Variants in GLIS3 observed in about 807,000 individuals in gnomAD.
The protein encoded by GLIS3 is zinc finger protein GLIS3.
Under a neutral mutation model 78.6 loss-of-function variants are expected in GLIS3, and 53 were observed. The observed-to-expected ratio is 0.67, with a 90% CI of 0.54 to 0.85. GLIS3 has a LOEUF of 0.85. Ranked by LOEUF, GLIS3 falls within the 40% of genes least tolerant of loss-of-function variation. The pLI is 0.00. For missense variants in GLIS3, 1,703 were observed against 1,231.1 expected (o/e 1.38, Z -5.74); for synonymous variants, 684 against 509.9 (o/e 1.34, Z -4.60).
chr9:3,981,193 A>G (rs532136494), intron 4 of GLIS3, among the ~76,000 whole-genome samples: 2 of 152,320 alleles, frequency 1.3e-5, no homozygotes, highest in South Asian at 4.1e-4. Context: ...CTACTGGGAC[A>G]TTTTTAAAAT....
chr9:4,467,500 G>A, the GLIS3 span, among the ~76,000 whole-genome samples: 2 of 152,200 alleles, frequency 1.3e-5, no homozygotes, highest in Non-Finnish European at 2.9e-5. Context: ...AGCCTCCGCT[G>A]GTGATACCCA....
chr9:4,185,743 C>T (rs1200519204), intron 2 of GLIS3, among the ~76,000 whole-genome samples: 1 of 152,180 alleles, frequency 6.6e-6, no homozygotes, highest in Non-Finnish European at 1.5e-5. Flanking sequence ...ATGTTCAGCA[C>T]AAGGCATCAG....
At chr9:3,898,969 A>G (rs1823081617) in intron 6 of GLIS3, 134 bp from the exon 7 acceptor site, 2 of 1,013,838 alleles carry the variant, frequency 2.0e-6, no homozygotes, top group East Asian at 2.6e-5. Flanking sequence ...GGTAAGGCAC[A>G]GAGCTTAACA....
intron 2 of GLIS3, among the ~76,000 whole-genome samples, chr9:4,196,175 T>C (rs1818825790): frequency 6.6e-6 from 1 of 152,062 alleles, no homozygotes; most frequent in Non-Finnish European, 1.5e-5. Context: ...CTAGGAGAAC[T>C]TTCATGTCTA....
chr9:4,221,143 G>C (rs1240588233), intron 2 of GLIS3, among the ~76,000 whole-genome samples: 1 of 152,120 alleles, frequency 6.6e-6, no homozygotes, highest in Non-Finnish European at 1.5e-5. Flanking sequence ...ACTCACTCTT[G>C]AATGATTCAG....
the GLIS3 span, among the ~76,000 whole-genome samples, chr9:4,372,177 A>G: frequency 6.6e-6 from 1 of 152,288 alleles, no homozygotes; most frequent in Middle Eastern, 3.4e-3. Context: ...CAGATGAAGA[A>G]AGAGAGAGTG....
rs10114930 is a variant in GLIS3 at position 3,828,676 on chromosome 9, C to A, written c.2657-268G>T. On this transcript the variant is annotated intron_variant, in intron 10 of 10. Coordinates refer to ENST00000381971, the MANE Select transcript of GLIS3 (RefSeq NM_001042413.2). ...TGTTCTAGGGAAGGCTGGGGGTGGC[C>A]TCAAAAAGGAGCTGGTGTTAAGGTT... 3.5e-3 allele frequency among the ~76,000 whole-genome samples: 531 copies of A among 152,156 alleles called. 3 individuals carry two copies. The highest frequency in any genetic ancestry group is 0.012 in the African/African-American group (514 of 41,506).
intron 2 of GLIS3, among the ~76,000 whole-genome samples, chr9:4,253,699 G>A (rs550191407): frequency 7.9e-5 from 12 of 152,282 alleles, no homozygotes; most frequent in South Asian, 2.1e-4. Context: ...CCAAACGGCC[G>A]CCCAGTTTTG....
chr9:4,387,372 G>T, the GLIS3 span, among the ~76,000 whole-genome samples: 1 of 151,974 alleles, frequency 6.6e-6, no homozygotes, highest in Non-Finnish European at 1.5e-5. Flanking sequence ...CGGCCTTAGT[G>T]CCACTCTCAG....
In GLIS3 at chr9:4,117,843, G is replaced by A. The variant is rs1831791587; in HGVS notation, c.1635C>T (p.Tyr545=). The A allele has an allele frequency of 1.2e-6, 2 of 1,614,016 alleles. No individual in the cohort carries two copies. The highest frequency in any genetic ancestry group is 2.7e-5 in the African/African-American group (2 of 74,904). ...TCFWAGCPRR[Y]KPFNARYKLL... ...GTTTATAGCGGGCGTTGAAGGGCTT[G>A]TATCTTCGAGGGCAACCGGCCCAGA... The change falls in exon 4 of 11, where the codon TAC becomes TAT. Residue 545 remains tyrosine, a synonymous_variant. Coordinates refer to ENST00000381971, the MANE Select transcript of GLIS3 (RefSeq NM_001042413.2).
chr9:4,205,018 C>G (rs1819739320), intron 2 of GLIS3, among the ~76,000 whole-genome samples: 1 of 149,394 alleles, frequency 6.7e-6, no homozygotes, highest in South Asian at 2.1e-4. Context: ...TCTCTATTAA[C>G]TACAAAAATT....
chr9:4,076,640 T>A (rs989258642), intron 4 of GLIS3, among the ~76,000 whole-genome samples: 9 of 152,208 alleles, frequency 5.9e-5, no homozygotes, highest in Non-Finnish European at 1.2e-4. Context: ...GTAGTACACA[T>A]CCTCCAGTCT....
At chr9:4,071,508 T>A (rs1262579708) in intron 4 of GLIS3, 3 of 152,244 alleles carry the variant, frequency 2.0e-5, no homozygotes, top group Non-Finnish European at 4.4e-5. Flanking sequence ...AATTCACCCA[T>A]GACCTTGAAA....
chr9:3,920,180 T>C (rs572107213), intron 6 of GLIS3, among the ~76,000 whole-genome samples: 1 of 152,132 alleles, frequency 6.6e-6, no homozygotes, highest in Admixed American at 6.5e-5. Context: ...ATTTTTTGTA[T>C]TTTTAGTAGA....
chr9:4,152,249 G>GT (rs1834740410), intron 2 of GLIS3: 1 of 290,666 alleles, frequency 3.4e-6, no homozygotes, highest in African/African-American at 2.3e-5. Flanking sequence ...GGGAACCTTT[G>GT]TGAGGCAGGG....
intron 4 of GLIS3, among the ~76,000 whole-genome samples, chr9:3,983,294 C>T (rs112213118): frequency 2.6e-5 from 4 of 152,304 alleles, no homozygotes; most frequent in African/African-American, 7.2e-5. Flanking sequence ...ATTGTGAGGT[C>T]TCCCCAGCCA....
At chr9:4,161,413 T>A (rs1355215954) in intron 2 of GLIS3, among the ~76,000 whole-genome samples, 1 of 152,166 alleles carries the variant, frequency 6.6e-6, no homozygotes, top group Non-Finnish European at 1.5e-5. Flanking sequence ...AAAAAGAATG[T>A]TTATACACAT....
chr9:4,489,400 G>A, the GLIS3 span, among the ~76,000 whole-genome samples: 1 of 152,276 alleles, frequency 6.6e-6, no homozygotes, highest in African/African-American at 2.4e-5. Flanking sequence ...TCTAGTAGGG[G>A]AAATTCTCCC....
chr9:3,981,850 G>A (rs1819314465), intron 4 of GLIS3, among the ~76,000 whole-genome samples: 1 of 151,980 alleles, frequency 6.6e-6, no homozygotes, highest in African/African-American at 2.4e-5. Flanking sequence ...GCCACTTTTT[G>A]GCAAATTGCT....
Sources: gnomAD v4.1 joint callset for allele counts (sites outside exome capture counted in the v4.1 genomes callset) on GRCh38, gnomAD v4.1.1 for gene constraint, MANE v1.5 for transcripts, NCBI Gene and HGNC (gene_info 2026-07-23, HGNC 2026-07-21) for gene names.